The following FLI1 variants were observed in gnomAD, a reference collection of about 807,000 sequenced individuals.
FLI1 encodes Friend leukemia integration 1 transcription factor.
FLI1 carries 13 observed loss-of-function variants against 53.1 expected under a neutral mutation model. That is an observed-to-expected ratio of 0.24 (90% CI 0.16 to 0.39). The LOEUF (loss-of-function observed/expected upper bound fraction) is 0.39, where lower values mean the gene tolerates loss of function less well. Ranked by LOEUF, FLI1 falls within the 10% of genes least tolerant of loss-of-function variation. FLI1 has a pLI of 1.00. For synonymous variants in FLI1, 244 were observed against 236.7 expected, an observed-to-expected ratio of 1.03 and a Z score of -0.28; for missense variants, 424 against 600.5, an observed-to-expected ratio of 0.71 and a Z score of 3.07.
chr11:128,732,322 G>A (rs1939734595), intron 1 of FLI1, among the ~76,000 whole-genome samples: 1 of 152,158 alleles, frequency 6.6e-6, no homozygotes, highest in Non-Finnish European at 1.5e-5. Context: ...AATTCTGATG[G>A]GCAGACAGAA....
chr11:128,766,030 A>C (rs1409291597), intron 2 of FLI1, among the ~76,000 whole-genome samples: 1 of 152,072 alleles, frequency 6.6e-6, no homozygotes, highest in South Asian at 2.1e-4. Context: ...TCTCTGTTGA[A>C]GTATGTGCAT....
chr11:128,800,242 A>G (rs1942589815), intron 5 of FLI1, among the ~76,000 whole-genome samples: 1 of 152,234 alleles, frequency 6.6e-6, no homozygotes, highest in East Asian at 1.9e-4. Context: ...AGGCTTTCCA[A>G]GGATAAACAG....
intron 1 of FLI1, among the ~76,000 whole-genome samples, chr11:128,708,451 G>C (rs141363151): frequency 1.3e-5 from 2 of 152,322 alleles, no homozygotes; most frequent in African/African-American, 2.4e-5. Context: ...TCCCCTGAGA[G>C]AGTTTTATAT....
intron 1 of FLI1, among the ~76,000 whole-genome samples, chr11:128,726,937 G>A (rs10893913): frequency 0.26 from 38,826 of 151,970 alleles, 5,996 homozygotes; most frequent in African/African-American, 0.4. Flanking sequence ...TGGGGCAGAG[G>A]GGGGAAGAGG....
chr11:128,713,698 G>C (rs958554455), intron 1 of FLI1, among the ~76,000 whole-genome samples: 6 of 152,234 alleles, frequency 3.9e-5, no homozygotes, highest in Admixed American at 3.9e-4. Flanking sequence ...GCCTCGGGAG[G>C]GCACAACGTG....
Position 128,812,657 on chromosome 11 carries a change from A to G in FLI1, c.*1669A>G, listed in dbSNP as rs893429445. 4 of 222,510 alleles carry G rather than the reference A, an allele frequency of 1.8e-5. No individual in the cohort carries two copies. Among genetic ancestry groups the G allele is most frequent in the African/African-American group, 6.7e-5 (3 of 44,924 alleles). 13.8% of individuals were successfully genotyped at this position (222,510 alleles called of 1,614,324 possible). A position where few individuals can be genotyped will look rare whatever the true frequency, so the allele number is the denominator to read the frequency against. On this transcript the variant is annotated 3_prime_UTR_variant, in exon 9 of 9. Transcript: ENST00000527786. ...GTTTTATAAAACAGCAGCTAAGGCC[A>G]TGGATAAACCTGTATGTAAGGACTG...
chr11:128,803,415 A>G (rs1942690681), intron 5 of FLI1, among the ~76,000 whole-genome samples: 1 of 152,068 alleles, frequency 6.6e-6, no homozygotes, highest in African/African-American at 2.4e-5. Context: ...TCAGTGGTAC[A>G]GCTCCTCCCA....
chr11:128,810,574 T>C lies in FLI1; in HGVS notation c.945T>C (p.Asp315=), dbSNP rs1167904956. The change falls in exon 9 of 9, where the codon GAT becomes GAC. Residue 315 remains aspartate, a synonymous_variant. Coordinates refer to ENST00000527786, the MANE Select transcript of FLI1 (RefSeq NM_002017.5). The surrounding 1 kb of genome is among the most constrained non-coding windows in gnomAD (Gnocchi z 6.6). ...GGGAGTTCAAAATGACGGACCCCGA[T>C]GAGGTGGCCAGGCGCTGGGGCGAGC... ...TNGEFKMTDP[D]EVARRWGERK... is the part of the protein sequence containing the mutation. The C allele has an allele frequency of 1.9e-6, 3 of 1,613,508 alleles. No individual in the cohort carries two copies. Among genetic ancestry groups the C allele is most frequent in the African/African-American group, 2.7e-5 (2 of 74,918 alleles).
chr11:128,764,913 A>G (rs1941273075), intron 2 of FLI1: 1 of 1,367,768 alleles, frequency 7.3e-7, no homozygotes, highest in South Asian at 1.2e-5. Context: ...CCTTCTCCCT[A>G]AGGACACCCG....
intron 3 of FLI1, among the ~76,000 whole-genome samples, chr11:128,768,881 C>A (rs1253968138): frequency 6.6e-6 from 1 of 152,140 alleles, no homozygotes; most frequent in Non-Finnish European, 1.5e-5. Flanking sequence ...AAGGCCGCCT[C>A]CACCCAAAAG....
At chr11:128,736,069 G>A (rs1041961686) in intron 1 of FLI1, among the ~76,000 whole-genome samples, 4 of 152,156 alleles carry the variant, frequency 2.6e-5, no homozygotes, top group African/African-American at 9.7e-5. Flanking sequence ...TATCCATCTA[G>A]CGTAACACTG....
chr11:128,696,696 T>C (rs888586218), intron 1 of FLI1, among the ~76,000 whole-genome samples: 1 of 152,224 alleles, frequency 6.6e-6, no homozygotes, highest in Non-Finnish European at 1.5e-5. Context: ...CTAATTTGTG[T>C]ACACAAATCC....
intron 1 of FLI1, among the ~76,000 whole-genome samples, chr11:128,751,819 T>A (rs9737140): frequency 0.32 from 47,559 of 149,236 alleles, 8,291 homozygotes; most frequent in Admixed American, 0.43. Flanking sequence ...TGGGTTTTTT[T>A]TTTTGGGTTT....
chr11:128,733,704 A>C (rs1042496861), intron 1 of FLI1, among the ~76,000 whole-genome samples: 2 of 152,212 alleles, frequency 1.3e-5, no homozygotes, highest in African/African-American at 2.4e-5. Flanking sequence ...AAAGTCCCTG[A>C]AGCTGTGCAA....
At chr11:128,770,167 TG>T (rs1250796083) in intron 3 of FLI1, among the ~76,000 whole-genome samples, 2 of 152,232 alleles carry the variant, frequency 1.3e-5, no homozygotes, top group Non-Finnish European at 2.9e-5. Context: ...CTTTGATCAG[TG>T]TTGAAATGCT....
intron 5 of FLI1, among the ~76,000 whole-genome samples, chr11:128,785,177 C>T (rs750403976): frequency 7.2e-5 from 11 of 151,988 alleles, no homozygotes; most frequent in Admixed American, 3.3e-4. Context: ...CCAGCTAGAG[C>T]AGTTATGCTC....
At chr11:128,750,067 C>G (rs1032421353) in intron 1 of FLI1, among the ~76,000 whole-genome samples, 2 of 152,194 alleles carry the variant, frequency 1.3e-5, no homozygotes, top group Non-Finnish European at 2.9e-5. Context: ...GAAGGGACTT[C>G]GTGTCATTAT....
chr11:128,790,843 G>A (rs957036750), intron 5 of FLI1, among the ~76,000 whole-genome samples: 1 of 152,148 alleles, frequency 6.6e-6, no homozygotes, highest in African/African-American at 2.4e-5. Context: ...CAGTTTCTGT[G>A]TTAATTGATG....
chr11:128,724,337 C>T (rs1939381795), intron 1 of FLI1, among the ~76,000 whole-genome samples: 1 of 152,108 alleles, frequency 6.6e-6, no homozygotes, highest in Admixed American at 6.5e-5. Context: ...TGGGATGGTG[C>T]CAGGCCAGTG....
Sources: gnomAD v4.1 joint callset for allele counts (sites outside exome capture counted in the v4.1 genomes callset) on GRCh38, gnomAD v4.1.1 for gene constraint, Gnocchi (gnomAD v3.1) non-coding constraint, MANE v1.5 for transcripts, NCBI Gene and HGNC (gene_info 2026-07-23, HGNC 2026-07-21) for gene names.